Variants in TEKT2 observed in about 807,000 individuals in gnomAD.
TEKT2 encodes tektin 2, also known as tektin-2.
In TEKT2, 45 loss-of-function variants were observed where a neutral mutation model predicts 49.8. The ratio of observed to expected loss-of-function variants is 0.90; its 90% confidence interval spans 0.71 to 1.16. TEKT2 has a LOEUF of 1.16. Ranked by LOEUF, TEKT2 falls within the 50% of genes most tolerant of loss-of-function variation. The probability of loss-of-function intolerance (pLI) is 0.00; values close to 1 mark genes in which losing one functional copy is unlikely to be tolerated. For missense variants in TEKT2, 523 were observed against 551.4 expected, an observed-to-expected ratio of 0.95 and a Z score of 0.52; for synonymous variants, 202 against 224.6, an observed-to-expected ratio of 0.90 and a Z score of 0.90.
chr1:36,084,383 G>A lies in TEKT2; in HGVS notation c.-53+234G>A, dbSNP rs902592388. On this transcript the variant is annotated intron_variant, in intron 1 of 9. Transcript: ENST00000207457. This position sits in a 1 kb window ranked among gnomAD's most constrained non-coding sequence, Gnocchi z 4.1. ...CCAGACGGGGAGGGGGCCGCCCCGGGGGCCGCCCCCCAGCTCCCCAGTGCC... is the reference window on the plus strand; with the variant it reads ...CCAGACGGGGAGGGGGCCGCCCCGGAGGCCGCCCCCCAGCTCCCCAGTGCC... 6.3e-6 allele frequency: 1 copy of A among 157,772 alleles called. No individual in the cohort carries two copies. Among genetic ancestry groups the A allele is most frequent in the Admixed American group, 6.1e-5 (1 of 16,506 alleles). The allele number at this position is 157,772 out of a possible 1,614,324, so 9.8% of individuals were successfully genotyped here. A position where few individuals can be genotyped will look rare whatever the true frequency, so the allele number is the denominator to read the frequency against.
At position 36,084,896 on chromosome 1, in the gene TEKT2, T is replaced by C. The variant is rs1643341730; in HGVS notation, c.-26T>C. On this transcript the variant is annotated 5_prime_UTR_variant, in exon 2 of 10. Transcript: ENST00000207457. This position sits in a 1 kb window ranked among gnomAD's most constrained non-coding sequence, Gnocchi z 4.1. ...TGGTGTCTGTGAACAGGCCTAGGGG[T>C]TTCTGACCCTTCTGGTTTCTGTGCC... is the stretch of plus-strand genomic sequence containing the variant. 6.2e-7 allele frequency: 1 copy of C among 1,612,668 alleles called. No homozygotes were observed. Among genetic ancestry groups the C allele is most frequent in the Non-Finnish European group, 8.5e-7 (1 of 1,180,012 alleles).
At chr1:36,086,157 C>T in intron 4 of TEKT2, 116 bp downstream of exon 4, 3 of 1,144,386 alleles carry the variant, frequency 2.6e-6, no homozygotes, top group Non-Finnish European at 2.6e-6. Flanking sequence ...ACATTTTGGC[C>T]CTCTGGTGCC....
rs1317493281 is a variant in TEKT2, at chr1:36,088,031, A to C, written c.1138A>C (p.Lys380Gln). 3.7e-6 allele frequency: 6 copies of C among 1,612,596 alleles called. No individual in the cohort carries two copies. Among genetic ancestry groups the C allele is most frequent in the Non-Finnish European group, 5.1e-6 (6 of 1,179,814 alleles). Residue 380 changes from lysine (K) to glutamine (Q), a missense_variant, in exon 10 of 10, where the codon AAG (lysine) becomes CAG (glutamine). Physicochemically the swap from Lys to Gln is moderately conservative, Grantham distance 53. Transcript: ENST00000207457. ...LARLQADIAC[K>Q]ANSMLLDTKC... ...CCGGCTGCAGGCTGACATTGCCTGCAAGGCCAACTCCATGCTGCTGGACAC... is the reference window on the plus strand; with the variant it reads ...CCGGCTGCAGGCTGACATTGCCTGCCAGGCCAACTCCATGCTGCTGGACAC...
intron 4 of TEKT2, 92 bp from the exon 5 acceptor site, chr1:36,086,612 C>T: frequency 6.4e-7 from 1 of 1,573,646 alleles, no homozygotes; most frequent in Admixed American, 1.7e-5. Context: ...AGGGTCACCC[C>T]AGCCTCCTCT....
In TEKT2 at chr1:36,084,935, GC is replaced by G. The variant is rs767752452; in HGVS notation, c.15del (p.Ser5ArgfsTer78). 1 of 1,613,988 alleles carries G rather than the reference GC, an allele frequency of 6.2e-7. No individual in the cohort carries two copies. The highest frequency in any genetic ancestry group is 1.1e-5 in the South Asian group (1 of 91,078). MATLSVKPSRRFQLP... is the reference protein window; with the variant it reads MATLXVKPSRRFQLP... ...GGTTTCTGTGCCATGGCCACGCTGA[GC>G]GTCAAGCCAAGTCGGCGCTTCCAGC... On this transcript the variant is annotated frameshift_variant, in exon 2 of 10. Coordinates refer to ENST00000207457, the MANE Select transcript of TEKT2 (RefSeq NM_014466.3). LOFTEE classifies it high-confidence loss of function. This position sits in a 1 kb window ranked among gnomAD's most constrained non-coding sequence, Gnocchi z 4.1.
Position 36,085,010 on chromosome 1 carries a change from T to C in TEKT2, c.89T>C (p.Leu30Pro), listed in dbSNP as rs1190357555. Residue 30 changes from leucine to proline, a missense_variant, in exon 2 of 10, where the codon CTG becomes CCG. Physicochemically the swap from Leu to Pro is moderately conservative, Grantham distance 98. Coordinates refer to ENST00000207457, the MANE Select transcript of TEKT2 (RefSeq NM_014466.3). ...TACCTGCTATCCACCAATGCCCAGCTGCAGCGAGATGCTTCCCATCAGATC... is the reference window on the plus strand; with the variant it reads ...TACCTGCTATCCACCAATGCCCAGCCGCAGCGAGATGCTTCCCATCAGATC... ...NSYLLSTNAQ[L>P]QRDASHQIRQ... 1 of 1,614,036 alleles carries C rather than the reference T, an allele frequency of 6.2e-7. No individual in the cohort carries two copies.
rs1460234723 is a variant in TEKT2, at chr1:36,088,152, G to C, written c.1259G>C (p.Ser420Thr). Residue 420 changes from serine (S) to threonine (T), a missense_variant, in exon 10 of 10, where the codon AGT (serine) becomes ACT (threonine). Physicochemically the swap from Ser to Thr is moderately conservative, Grantham distance 58 (BLOSUM62 1). Coordinates refer to ENST00000207457, the MANE Select transcript of TEKT2 (RefSeq NM_014466.3). ...TFTRTTNSTL[S>T]PLKSCQLELA ...ACACGTACCACAAATAGCACCCTGA[G>C]TCCACTCAAAAGCTGCCAGCTGGAG... 13 of 1,612,762 alleles carry C rather than the reference G, an allele frequency of 8.1e-6. No homozygotes were observed. The highest frequency in any genetic ancestry group is 1.0e-5 in the Non-Finnish European group (12 of 1,179,922).
rs1187271311 is a variant in TEKT2, at chr1:36,088,095, C to CT, written c.1203dup (p.Glu402Ter). 6.2e-7 allele frequency: 1 copy of CT among 1,613,064 alleles called. No homozygotes were observed. Among genetic ancestry groups the CT allele is most frequent in the South Asian group, 1.1e-5 (1 of 91,070 alleles). On this transcript the variant is annotated frameshift_variant, in exon 10 of 10. Coordinates refer to ENST00000207457, the MANE Select transcript of TEKT2 (RefSeq NM_014466.3). LOFTEE classifies it high-confidence loss of function. ...ACACGGCGCAAGCTGACCGTGCCTG[C>CT]TGAGAGGTTCGTGCCTGAGGTGGAC...
chr1:36,085,241 G>T lies in TEKT2; in HGVS notation c.235G>T (p.Asp79Tyr). Residue 79 changes from aspartate (D) to tyrosine (Y), a missense_variant, in exon 3 of 10, where the codon GAC becomes TAC. Transcript: ENST00000207457. ...DTVNRWKEML[D>Y]KCLTDLDAEI... Reference sequence around the variant, plus strand: ...TGTCAACCGGTGGAAGGAGATGCTGGACAAGTGTCTGACAGATTTAGATGC... The same window carrying T: ...TGTCAACCGGTGGAAGGAGATGCTGTACAAGTGTCTGACAGATTTAGATGC... The T allele has an allele frequency of 1.2e-6, 2 of 1,614,178 alleles. No individual in the cohort carries two copies. The highest frequency in any genetic ancestry group is 1.7e-6 in the Non-Finnish European group (2 of 1,180,032).
chr1:36,085,502 C>CTTTTTTTTTTT (rs1557729258), intron 3 of TEKT2, among the ~76,000 whole-genome samples: 1 of 131,408 alleles, frequency 7.6e-6, no homozygotes, highest in African/African-American at 3.0e-5. Context: ...TTCTTTCTTT[C>CTTTTTTTTTTT]TTTTCTTTTT....
rs1470807244 is a variant in TEKT2 at position 36,088,223 on chromosome 1, G to A, written c.*37G>A. Reference sequence around the variant, plus strand: ...TGCAGGAGGAGGGCAGGGTTGGGTGGGCAATGGAAGGAGGGAGGAGAGAAA... The same window carrying A: ...TGCAGGAGGAGGGCAGGGTTGGGTGAGCAATGGAAGGAGGGAGGAGAGAAA... On this transcript the variant is annotated 3_prime_UTR_variant, in exon 10 of 10. Coordinates refer to ENST00000207457, the MANE Select transcript of TEKT2 (RefSeq NM_014466.3). 2.7e-6 allele frequency: 4 copies of A among 1,475,034 alleles called. No individual in the cohort carries two copies. Among genetic ancestry groups the A allele is most frequent in the Non-Finnish European group, 3.8e-6 (4 of 1,059,054 alleles). 91.4% of individuals were successfully genotyped at this position (1,475,034 alleles called of 1,614,324 possible).
At position 36,085,837 on chromosome 1, in the gene TEKT2, T is replaced by G; in HGVS notation, c.284T>G (p.Met95Arg). 2 of 1,613,418 alleles carry G rather than the reference T, an allele frequency of 1.2e-6. No individual in the cohort carries two copies. The highest frequency in any genetic ancestry group is 2.2e-5 in the South Asian group (2 of 90,968). Residue 95 changes from methionine to arginine, a missense_variant and splice_region_variant, in exon 4 of 10, where the codon ATG (methionine) becomes AGG (arginine). Physicochemically the swap from Met to Arg is moderately conservative, Grantham distance 91. Transcript: ENST00000207457. ...GCCCGGCCGCGCCCTCTTTTCTAGA[T>G]GAAGGAGTCAGCAGAGCAAAACCTG... ...LDAEIDALTQ[M>R]KESAEQNLQA... is the part of the protein sequence containing the mutation.
chr1:36,085,045 G>T lies in TEKT2; in HGVS notation c.124G>T (p.Ala42Ser). ...TGCTTCCCATCAGATCCGCCAGGAG[G>T]CCCGGGTGCTCCGCAACGAGACCAA... ...RDASHQIRQE[A>S]RVLRNETNNQ... The change falls in exon 2 of 10, where the codon GCC (alanine) becomes TCC (serine). Residue 42 changes from alanine to serine, a missense_variant. By Grantham distance (99) the Ala-to-Ser change is moderately conservative. Coordinates refer to ENST00000207457, the MANE Select transcript of TEKT2 (RefSeq NM_014466.3). The T allele has an allele frequency of 6.2e-7, 1 of 1,614,112 alleles. No homozygotes were observed. The highest frequency in any genetic ancestry group is 8.5e-7 in the Non-Finnish European group (1 of 1,180,050).
In TEKT2 at chr1:36,085,923, C is replaced by T. The variant is rs762951584; in HGVS notation, c.370C>T (p.Arg124Ter). The change falls in exon 4 of 10, where the codon CGA becomes TGA. Residue 124 changes from arginine (R) to a stop codon, truncating the protein, a stop_gained. Transcript: ENST00000207457. LOFTEE classifies it high-confidence loss of function. ...GTGCCTGACCCTGCGGGAAAGCCGG[C>T]GAGACATTGATGTGGTGAAGGACCC... Reference protein sequence around the residue: ...IECLTLRESRRDIDVVKDPVE... With the variant: ...IECLTLRESR The T allele has an allele frequency of 3.1e-6, 5 of 1,613,968 alleles. No individual in the cohort carries two copies. Among genetic ancestry groups the T allele is most frequent in the African/African-American group, 1.3e-5 (1 of 75,020 alleles).
At position 36,085,819 on chromosome 1, in the gene TEKT2, C is replaced by T. The variant is rs374220065; in HGVS notation, c.283-17C>T. 1,737 of 1,610,386 alleles carry T rather than the reference C, an allele frequency of 1.1e-3. No individual in the cohort carries two copies. The highest frequency in any genetic ancestry group is 1.3e-3 in the Non-Finnish European group (1,533 of 1,178,394). On this transcript the variant is annotated splice_polypyrimidine_tract_variant and intron_variant, in intron 3 of 9. Transcript: ENST00000207457. Reference sequence around the variant, plus strand: ...ACAGATGTGAGCCACCGTGCCCGGCCGCGCCCTCTTTTCTAGATGAAGGAG... The same window carrying T: ...ACAGATGTGAGCCACCGTGCCCGGCTGCGCCCTCTTTTCTAGATGAAGGAG...
chr1:36,085,987 A>C lies in TEKT2; in HGVS notation c.434A>C (p.Glu145Ala). 10 of 1,609,346 alleles carry C rather than the reference A, an allele frequency of 6.2e-6. No individual in the cohort carries two copies. The highest frequency in any genetic ancestry group is 7.6e-6 in the Non-Finnish European group (9 of 1,177,704). ...DELHKEVEVIEATKKALQQKV... is the reference protein window; with the variant it reads ...DELHKEVEVIAATKKALQQKV... ...CTGCATAAAGAGGTGGAGGTCATCG[A>C]GGCCACCAAGAAGGCCTTGCAACAG... The change falls in exon 4 of 10, where the codon GAG becomes GCG. Residue 145 changes from glutamate (E) to alanine (A), a missense_variant. Glu to Ala is a moderately radical substitution (Grantham distance 107). Transcript: ENST00000207457.
At position 36,085,820 on chromosome 1, in the gene TEKT2, G is replaced by C. The variant is rs368421091; in HGVS notation, c.283-16G>C. 2 of 1,610,760 alleles carry C rather than the reference G, an allele frequency of 1.2e-6. No homozygotes were observed. Among genetic ancestry groups the C allele is most frequent in the South Asian group, 1.1e-5 (1 of 90,478 alleles). On this transcript the variant is annotated splice_polypyrimidine_tract_variant and intron_variant, in intron 3 of 9. Coordinates refer to ENST00000207457, the MANE Select transcript of TEKT2 (RefSeq NM_014466.3). ...CAGATGTGAGCCACCGTGCCCGGCC[G>C]CGCCCTCTTTTCTAGATGAAGGAGT...
At position 36,087,076 on chromosome 1, in the gene TEKT2, C is replaced by T; in HGVS notation, c.747+31C>T. On this transcript the variant is annotated intron_variant, in intron 6 of 9. Coordinates refer to ENST00000207457, the MANE Select transcript of TEKT2 (RefSeq NM_014466.3). This position sits in a 1 kb window ranked among gnomAD's most constrained non-coding sequence, Gnocchi z 4.9. ...AGGCCACCCACAGCTAATGGATGGT[C>T]CCAGTGTGCGCTCAGCCCTTATCTT... 6.2e-7 allele frequency: 1 copy of T among 1,610,100 alleles called. No individual in the cohort carries two copies. The highest frequency in any genetic ancestry group is 2.2e-5 in the East Asian group (1 of 44,804).
Position 36,085,046 on chromosome 1 carries a change from C to G in TEKT2, c.125C>G (p.Ala42Gly). 1.9e-6 allele frequency: 3 copies of G among 1,614,112 alleles called. No homozygotes were observed. Among genetic ancestry groups the G allele is most frequent in the Non-Finnish European group, 2.5e-6 (3 of 1,180,044 alleles). ...GCTTCCCATCAGATCCGCCAGGAGG[C>G]CCGGGTGCTCCGCAACGAGACCAAC... ...RDASHQIRQE[A>G]RVLRNETNNQ... is the part of the protein sequence containing the mutation. Residue 42 changes from alanine (A) to glycine (G), a missense_variant, in exon 2 of 10, where the codon GCC (alanine) becomes GGC (glycine). By Grantham distance (60) the Ala-to-Gly change is moderately conservative. Transcript: ENST00000207457.
Sources: gnomAD v4.1 joint callset for allele counts (sites outside exome capture counted in the v4.1 genomes callset) on GRCh38, gnomAD v4.1.1 for gene constraint, Gnocchi (gnomAD v3.1) non-coding constraint, MANE v1.5 for transcripts, NCBI Gene and HGNC (gene_info 2026-07-23, HGNC 2026-07-21) for gene names.